Variants in NOL11 observed in about 807,000 individuals in gnomAD.
The protein encoded by NOL11 is nucleolar protein 11.
NOL11 carries 42 observed loss-of-function variants against 93.0 expected under a neutral mutation model. The observed-to-expected ratio is 0.45, with a 90% CI of 0.35 to 0.58. The LOEUF (loss-of-function observed/expected upper bound fraction) is 0.58, where lower values mean the gene tolerates loss of function less well. Among genes scored for constraint, NOL11 ranks in the 20% least tolerant of loss-of-function variants. NOL11 has a pLI of 0.00. For missense variants in NOL11, 775 were observed against 841.8 expected, an observed-to-expected ratio of 0.92 and a Z score of 0.98; for synonymous variants, 296 against 293.7, an observed-to-expected ratio of 1.01 and a Z score of -0.08.
At chr17:67,734,781 C>T (rs2055186523) in intron 8 of NOL11, among the ~76,000 whole-genome samples, 1 of 152,170 alleles carries the variant, frequency 6.6e-6, no homozygotes, top group Non-Finnish European at 1.5e-5. Flanking sequence ...AGAGCTGCTG[C>T]AGTCCAGCCT....
chr17:67,723,370 A>ATTT (rs568396700), intron 5 of NOL11, among the ~76,000 whole-genome samples: 4 of 60,704 alleles, frequency 6.6e-5, no homozygotes, highest in African/African-American at 1.9e-4. Context: ...AAGATCTCTA[A>ATTT]TTTTTTTTTT....
At chr17:67,743,663 T>C (rs2143152326) in intron 17 of NOL11, 77 bp downstream of exon 17, 2 of 1,234,990 alleles carry the variant, frequency 1.6e-6, no homozygotes, top group Admixed American at 4.5e-5. Context: ...TTAAAATTTG[T>C]CCTTAAATAA....
intron 8 of NOL11, 57 bp from the exon 9 acceptor site, chr17:67,735,843 A>G: frequency 1.1e-5 from 16 of 1,431,640 alleles, no homozygotes; most frequent in Non-Finnish European, 1.4e-5. Flanking sequence ...GGCTTTATTG[A>G]GTCATACCTT....
In NOL11 at chr17:67,737,553, G is replaced by T; in HGVS notation, c.1264G>T (p.Ala422Ser). The T allele has an allele frequency of 6.2e-7, 1 of 1,610,268 alleles. No homozygotes were observed. Among genetic ancestry groups the T allele is most frequent in the East Asian group, 2.2e-5 (1 of 44,860 alleles). Residue 422 changes from alanine to serine, a missense_variant, in exon 12 of 18, where the codon GCT (alanine) becomes TCT (serine). By Grantham distance (99) the Ala-to-Ser change is moderately conservative. Around this residue, in one of 2 missense-constraint regions of NOL11, gnomAD observed 416 missense variants for 525.2 expected, o/e 0.79. Transcript: ENST00000253247. ...TGAAGTAGAAGTACGGAAATTTTTGGCTCTGAAGCAGACACCTGACTTTCA... is the reference window on the plus strand; with the variant it reads ...TGAAGTAGAAGTACGGAAATTTTTGTCTCTGAAGCAGACACCTGACTTTCA... ...HIEVEVRKFL[A>S]LKQTPDFHTV...
At position 67,735,991 on chromosome 17, in the gene NOL11, C is replaced by G. The variant is rs1312890662; in HGVS notation, c.1022C>G (p.Ala341Gly). 5.0e-6 allele frequency: 8 copies of G among 1,608,604 alleles called. No individual in the cohort carries two copies. Among genetic ancestry groups the G allele is most frequent in the Non-Finnish European group, 5.1e-6 (6 of 1,177,462 alleles). Residue 341 changes from alanine to glycine, a missense_variant, in exon 9 of 18, where the codon GCT (alanine) becomes GGT (glycine). Physicochemically the swap from Ala to Gly is moderately conservative, Grantham distance 60. Around this residue, in one of 2 missense-constraint regions of NOL11, gnomAD observed 416 missense variants for 525.2 expected, o/e 0.79. Coordinates refer to ENST00000253247, the MANE Select transcript of NOL11 (RefSeq NM_015462.5). ...YKCEVSSLAG[A>G]LGKLKHSQDP... ...TGTGAAGTGTCATCATTAGCAGGTG[C>G]TCTTGGAAAACTCAAGCATAGTCAA...
At chr17:67,731,056 A>G (rs1425609804) in intron 7 of NOL11, among the ~76,000 whole-genome samples, 3 of 152,148 alleles carry the variant, frequency 2.0e-5, no homozygotes, top group East Asian at 3.8e-4. Context: ...CTCATTGTCT[A>G]TTTATATGTC....
chr17:67,737,365 T>G (rs1567804660), intron 11 of NOL11, 143 bp from the exon 12 acceptor site: 6 of 754,662 alleles, frequency 8.0e-6, no homozygotes, highest in Non-Finnish European at 1.1e-5. Flanking sequence ...TCTTTCTCAT[T>G]TAACTTTGCA....
At chr17:67,728,715 A>C (rs1366623044) in intron 7 of NOL11, among the ~76,000 whole-genome samples, 1 of 151,952 alleles carries the variant, frequency 6.6e-6, no homozygotes, top group Non-Finnish European at 1.5e-5. Context: ...CACCATGCAT[A>C]CTGTTGTGTA....
At chr17:67,736,970 G>A (rs1323864707) in intron 10 of NOL11, 101 bp from the exon 11 acceptor site, 39 of 833,730 alleles carry the variant, frequency 4.7e-5, no homozygotes, top group Non-Finnish European at 6.9e-5. Flanking sequence ...TTTGATGAGA[G>A]CAAAAGTGTG....
At position 67,734,365 on chromosome 17, in the gene NOL11, T is replaced by C. The variant is rs138092948; in HGVS notation, c.856T>C (p.Cys286Arg). 218 of 1,570,316 alleles carry C rather than the reference T, an allele frequency of 1.4e-4. No individual in the cohort carries two copies. Among genetic ancestry groups the C allele is most frequent in the Non-Finnish European group, 1.8e-4 (202 of 1,141,870 alleles). ...LGSPLAASKE[C>R]LSVWNIKFQT... ...TGAATTTATGTCTTATTTTATAGAA[T>C]GCCTCTCTGTATGGAACATAAAATT... is the stretch of plus-strand genomic sequence containing the variant. The change falls in exon 8 of 18, where the codon TGC (cysteine) becomes CGC (arginine). Residue 286 changes from cysteine to arginine, a missense_variant and splice_region_variant. This residue lies in a region of NOL11 where 416 missense variants were observed against 525.2 expected (regional missense o/e 0.79). Transcript: ENST00000253247.
chr17:67,731,944 G>A (rs1054269856), intron 7 of NOL11, among the ~76,000 whole-genome samples: 2 of 152,140 alleles, frequency 1.3e-5, no homozygotes, highest in African/African-American at 4.8e-5. Context: ...TGTTTTTGCT[G>A]TTTAGGCCCC....
At chr17:67,740,494 A>G (rs573212400) in intron 16 of NOL11, among the ~76,000 whole-genome samples, 1 of 151,972 alleles carries the variant, frequency 6.6e-6, no homozygotes, top group African/African-American at 2.4e-5. Context: ...CTGTAATCTC[A>G]GCTACCTGGG....
chr17:67,737,036 T>C, intron 10 of NOL11, 35 bp from the exon 11 acceptor site: 1 of 1,313,598 alleles, frequency 7.6e-7, no homozygotes, highest in Non-Finnish European at 1.1e-6. Flanking sequence ...TCTCTTATAT[T>C]GTTTTGTGAT....
At chr17:67,732,491 C>CA (rs201009697) in intron 7 of NOL11, among the ~76,000 whole-genome samples, 3,763 of 71,300 alleles carry the variant, frequency 0.053, 158 homozygotes, top group African/African-American at 0.13. Flanking sequence ...GACTCCGTCT[C>CA]AAAAAAAAAA....
intron 16 of NOL11, 66 bp downstream of exon 16, chr17:67,739,674 G>A: frequency 2.1e-6 from 2 of 971,802 alleles, no homozygotes; most frequent in Non-Finnish European, 3.2e-6. Context: ...TGTATTCAAG[G>A]TCAGCACCTG....
Position 67,736,860 on chromosome 17 carries a change from TATA to T in NOL11, c.1143+109_1143+111del, listed in dbSNP as rs553485531. ...TCCTTACAACTCTTAGAGCTTTGACTATAATGACAGGACAGTTTGCGGCTTGAA... is the reference window on the plus strand; with the variant it reads ...TCCTTACAACTCTTAGAGCTTTGACTATGACAGGACAGTTTGCGGCTTGAA... On this transcript the variant is annotated intron_variant, in intron 10 of 17. Transcript: ENST00000253247. The T allele has an allele frequency of 2.3e-4, 204 of 885,484 alleles. 2 individuals are homozygous for T. In the South Asian group the frequency reaches 3.2e-3, roughly 14 times the overall value. The allele number at this position is 885,484 out of a possible 1,614,324, so 54.9% of individuals were successfully genotyped here.
chr17:67,728,176 C>T (rs1266246645), intron 7 of NOL11, among the ~76,000 whole-genome samples: 1 of 152,118 alleles, frequency 6.6e-6, no homozygotes, highest in African/African-American at 2.4e-5. Flanking sequence ...AGGAGAATGG[C>T]GTGAGCCTGG....
chr17:67,738,070 C>A, intron 13 of NOL11, 52 bp from the exon 14 acceptor site: 2 of 1,546,580 alleles, frequency 1.3e-6, no homozygotes. Context: ...TGAAATTTTT[C>A]CCAAAAGCTT....
intron 11 of NOL11, among the ~76,000 whole-genome samples, 156 bp from the exon 12 acceptor site, chr17:67,737,352 A>C (rs1484828674): frequency 6.6e-6 from 1 of 152,210 alleles, no homozygotes; most frequent in Non-Finnish European, 1.5e-5. Flanking sequence ...TGTTGGTCTT[A>C]TCTCTTTCTC....
Sources: allele counts gnomAD v4.1 joint callset (sites outside exome capture counted in the v4.1 genomes callset), GRCh38; gene constraint gnomAD v4.1.1; regional missense constraint gnomAD v4.1.1; transcripts MANE v1.5; gene names NCBI Gene and HGNC (gene_info 2026-07-23, HGNC 2026-07-21).